Variants in OTOGL observed in about 807,000 individuals in gnomAD.
OTOGL encodes otogelin like.
A neutral mutation model predicts 318.5 loss-of-function variants in OTOGL; 285 were observed. The ratio of observed to expected loss-of-function variants is 0.89; its 90% CI spans 0.81 to 0.99. OTOGL has a LOEUF of 0.99. Among genes scored for constraint, OTOGL ranks in the 50% least tolerant of loss-of-function variants. The pLI is 0.00. For synonymous variants in OTOGL, 987 were observed against 936.5 expected, an observed-to-expected ratio of 1.05 and a Z score of -0.99; for missense variants, 2,899 against 2,845.6, an observed-to-expected ratio of 1.02 and a Z score of -0.43.
At chr12:80,169,227 A>G (rs542832639) in intron 1 of OTOGL, among the ~76,000 whole-genome samples, 1 of 152,120 alleles carries the variant, frequency 6.6e-6, no homozygotes, top group South Asian at 2.1e-4. Flanking sequence ...CTAGAACCTT[A>G]TCTTCTTGAT....
At chr12:80,231,641 T>A (rs985178925) in intron 8 of OTOGL, among the ~76,000 whole-genome samples, 20 of 151,996 alleles carry the variant, frequency 1.3e-4, no homozygotes, top group African/African-American at 4.6e-4. Context: ...ATATTTTTAT[T>A]TTTATTATTT....
chr12:80,247,273 T>A (rs1880998153), intron 11 of OTOGL, among the ~76,000 whole-genome samples: 2 of 149,176 alleles, frequency 1.3e-5, no homozygotes, highest in South Asian at 4.2e-4. Flanking sequence ...CAATTTTGGA[T>A]CTTTCCTGCT....
Position 80,356,897 on chromosome 12 carries a change from G to A in OTOGL, c.6002G>A (p.Cys2001Tyr), listed in dbSNP as rs1441711451. Residue 2001 changes from cysteine to tyrosine, a missense_variant, in exon 49 of 59, where the codon TGT (cysteine) becomes TAT (tyrosine). Around this residue, in one of 3 missense-constraint regions of OTOGL, gnomAD observed 2,607 missense variants for 2,524.9 expected, o/e 1.03. Coordinates refer to ENST00000547103, the MANE Select transcript of OTOGL (RefSeq NM_001378609.3). ...CAAGTTCGACAGGAAGAACCTTGTT[G>A]TTTTTCCCCTTTTTGTGGTGAGTAT... ...MIQVRQEEPC[C>Y]FSPFCVCESC... 1.3e-6 allele frequency: 2 copies of A among 1,587,750 alleles called. No homozygotes were observed. Among genetic ancestry groups the A allele is most frequent in the Admixed American group, 1.8e-5 (1 of 56,530 alleles).
At chr12:80,263,639 A>C (rs1198732797) in intron 19 of OTOGL, among the ~76,000 whole-genome samples, 2 of 152,130 alleles carry the variant, frequency 1.3e-5, no homozygotes, top group Non-Finnish European at 2.9e-5. Flanking sequence ...ATGTACATGC[A>C]TACATATATT....
chr12:80,234,471 C>G (rs780436736), intron 9 of OTOGL, among the ~76,000 whole-genome samples: 4 of 152,236 alleles, frequency 2.6e-5, no homozygotes, highest in Admixed American at 6.5e-5. Context: ...AGCATGGGCT[C>G]TGGAGTCAGA....
intron 1 of OTOGL, among the ~76,000 whole-genome samples, chr12:80,197,960 C>G (rs753696635): frequency 1.9e-4 from 29 of 152,090 alleles, no homozygotes; most frequent in Middle Eastern, 3.4e-3. Context: ...TTCAAACTTT[C>G]TATTTTTTTT....
rs1325316753 is a variant in OTOGL, at chr12:80,255,088, G to A, written c.1490G>A (p.Arg497Gln). 3.3e-6 allele frequency: 5 copies of A among 1,518,356 alleles called. No individual in the cohort carries two copies. The highest frequency in any genetic ancestry group is 2.5e-5 in the East Asian group (1 of 39,648). 94.1% of individuals were successfully genotyped at this position (1,518,356 alleles called of 1,614,324 possible). A position where few individuals can be genotyped will look rare whatever the true frequency, so the allele number is the denominator to read the frequency against. Residue 497 changes from arginine (R) to glutamine (Q), a missense_variant, in exon 16 of 59, where the codon CGA becomes CAA. Physicochemically the swap from Arg to Gln is conservative, Grantham distance 43. Transcript: ENST00000547103. ...GDSHFTTFDGRHYSFIGMCQY... is the reference protein window; with the variant it reads ...GDSHFTTFDGQHYSFIGMCQY... The stretch of plus-strand genomic sequence containing the variant: ...TCTCACTTTACAACTTTTGATGGTC[G>A]ACATTATTCTTTTATTGGCATGTGC...
rs1883966971 is a variant in OTOGL at position 80,278,382 on chromosome 12, C to A, written c.2789+107C>A. 36 of 903,270 alleles carry A rather than the reference C, an allele frequency of 4.0e-5. 1 individual carries two copies. The East Asian group carries it at 9.3e-4, about 23-fold the overall frequency. 56.0% of individuals were successfully genotyped at this position (903,270 alleles called of 1,614,324 possible). A position where few individuals can be genotyped will look rare whatever the true frequency, so the allele number is the denominator to read the frequency against. On this transcript the variant is annotated intron_variant, in intron 25 of 58. Transcript: ENST00000547103. ...TGACATCAGCAAAAAGTAAATCAAGCCTCAGCAAATAATTTAAAGGCCTGC... is the reference window on the plus strand; with the variant it reads ...TGACATCAGCAAAAAGTAAATCAAGACTCAGCAAATAATTTAAAGGCCTGC...
chr12:80,280,944 T>TG (rs1308344692), intron 26 of OTOGL, among the ~76,000 whole-genome samples: 5 of 151,642 alleles, frequency 3.3e-5, no homozygotes, highest in South Asian at 2.1e-4. Flanking sequence ...TATTTTTTTT[T>TG]TGTGTGTATG....
At chr12:80,237,078 G>C (rs1480542663) in intron 9 of OTOGL, among the ~76,000 whole-genome samples, 2 of 152,020 alleles carry the variant, frequency 1.3e-5, no homozygotes, top group South Asian at 2.1e-4. Context: ...GCCTCCCAGA[G>C]TGCTGGGATT....
chr12:80,324,799 A>C (rs143728024), intron 35 of OTOGL, among the ~76,000 whole-genome samples: 1 of 152,236 alleles, frequency 6.6e-6, no homozygotes, highest in Non-Finnish European at 1.5e-5. Flanking sequence ...GTGAAATACT[A>C]TGAAGTTTTG....
Position 80,302,784 on chromosome 12 carries a change from G to A in OTOGL, c.3213+1G>A, listed in dbSNP as rs370730786. The A allele has an allele frequency of 3.9e-5, 58 of 1,483,364 alleles. No homozygotes were observed. The highest frequency in any genetic ancestry group is 4.8e-5 in the Non-Finnish European group (54 of 1,123,590). The allele number at this position is 1,483,364 out of a possible 1,614,324, so 91.9% of individuals were successfully genotyped here. ...TATCAAAGTTGGGCCACAGTGGAAGGTAGGTCAACCTAAGCTCCAAATGAG... is the reference window on the plus strand; with the variant it reads ...TATCAAAGTTGGGCCACAGTGGAAGATAGGTCAACCTAAGCTCCAAATGAG... On this transcript the variant is annotated splice_donor_variant, in intron 28 of 58. Transcript: ENST00000547103. LOFTEE classifies it high-confidence loss of function.
chr12:80,214,362 C>A (rs1249004679), intron 4 of OTOGL, among the ~76,000 whole-genome samples: 5 of 152,196 alleles, frequency 3.3e-5, no homozygotes, highest in African/African-American at 9.6e-5. Flanking sequence ...TCTGAAGAAC[C>A]ATGTAGAATG....
At chr12:80,139,356 CA>C (rs1871780932) in intron 1 of OTOGL, among the ~76,000 whole-genome samples, 1 of 152,136 alleles carries the variant, frequency 6.6e-6, no homozygotes, top group African/African-American at 2.4e-5. Context: ...TTAAATAAGT[CA>C]ATATGAATTT....
At chr12:80,349,712 T>G (rs1340532144) in intron 44 of OTOGL, among the ~76,000 whole-genome samples, 1 of 152,144 alleles carries the variant, frequency 6.6e-6, no homozygotes, top group African/African-American at 2.4e-5. Flanking sequence ...CAAAGTAAGG[T>G]GGTTGGAAAC....
chr12:80,351,804 A>G (rs899729814), intron 44 of OTOGL, among the ~76,000 whole-genome samples: 16 of 152,130 alleles, frequency 1.1e-4, no homozygotes, highest in African/African-American at 3.1e-4. Context: ...ATTCTATAGG[A>G]AAAAAATGAG....
intron 56 of OTOGL, chr12:80,370,929 C>A (rs1215068761): frequency 1.3e-5 from 3 of 225,468 alleles, no homozygotes; most frequent in Non-Finnish European, 2.5e-5. Flanking sequence ...ATCTGTAGAT[C>A]CAAAGATTAT....
intron 43 of OTOGL, 114 bp from the exon 44 acceptor site, chr12:80,341,834 G>T: frequency 1.4e-6 from 1 of 725,226 alleles, no homozygotes; most frequent in Non-Finnish European, 2.2e-6. Flanking sequence ...CATAAACTTG[G>T]TACCTTATAT....
intron 26 of OTOGL, among the ~76,000 whole-genome samples, chr12:80,280,376 T>TC: frequency 6.6e-6 from 1 of 152,140 alleles, no homozygotes; most frequent in Admixed American, 6.6e-5. Context: ...TGACAAGGCC[T>TC]ACATCCAGAA....
Sources: allele counts gnomAD v4.1 joint callset (sites outside exome capture counted in the v4.1 genomes callset), GRCh38; gene constraint gnomAD v4.1.1; regional missense constraint gnomAD v4.1.1; transcripts MANE v1.5; gene names NCBI Gene and HGNC (gene_info 2026-07-23, HGNC 2026-07-21).